Variants in SSPN observed in about 807,000 individuals in gnomAD.
SSPN encodes sarcospan.
Under a neutral mutation model 19.1 loss-of-function variants are expected in SSPN, and 15 were observed. That is an observed-to-expected ratio of 0.78 (90% confidence interval 0.52 to 1.21). The LOEUF (loss-of-function observed/expected upper bound fraction) is 1.21, where lower values mean the gene tolerates loss of function less well. Among genes scored for constraint, SSPN ranks in the 50% most tolerant of loss-of-function variants. The pLI is 0.00. For synonymous variants in SSPN, 147 were observed against 140.3 expected (o/e 1.05, Z -0.34); for missense variants, 291 against 314.0 (o/e 0.93, Z 0.55).
intron 1 of SSPN, among the ~76,000 whole-genome samples, chr12:26,210,604 G>A (rs1944975165): frequency 6.6e-6 from 1 of 151,816 alleles, no homozygotes; most frequent in Admixed American, 6.6e-5. Flanking sequence ...TCACTTTCAT[G>A]TTACTTTCTC....
rs150280828 is a variant in SSPN, at chr12:26,190,256, G to A, written c.-30-34037G>A. On this transcript the variant is annotated intron_variant, in intron 1 of 2. Coordinates refer to the SSPN transcript ENST00000538142. ...ACTCAAGTGTTGCTAAGTGACTTCA[G>A]GGGCTGTACATGTAAAGAATTGCAT... is the stretch of plus-strand genomic sequence containing the variant. Among the ~76,000 whole-genome samples the A allele has an allele frequency of 3.9e-3, 589 of 152,298 alleles. 2 individuals carry two copies. Among genetic ancestry groups the A allele is most frequent in the African/African-American group, 0.014 (561 of 41,554 alleles).
chr12:26,140,700 C>T (rs11048417), intron 1 of SSPN, among the ~76,000 whole-genome samples: 1,684 of 152,262 alleles, frequency 0.011, 30 homozygotes, highest in African/African-American at 0.037. Flanking sequence ...CCATGTAGGA[C>T]GTGACTTCTT....
intron 1 of SSPN, among the ~76,000 whole-genome samples, chr12:26,175,220 T>C (rs1294504156): frequency 1.3e-5 from 2 of 152,246 alleles, no homozygotes; most frequent in African/African-American, 4.8e-5. Context: ...AAATGCCCAG[T>C]CTTTTCAATT....
intron 1 of SSPN, among the ~76,000 whole-genome samples, chr12:26,215,356 T>C (rs1034000022): frequency 6.6e-6 from 1 of 152,198 alleles, no homozygotes; most frequent in East Asian, 1.9e-4. Flanking sequence ...AAGCAATTAG[T>C]AATGAGTAAT....
intron 1 of SSPN, chr12:26,180,134 GA>G (rs940596238): frequency 6.6e-6 from 1 of 151,960 alleles, no homozygotes; most frequent in Non-Finnish European, 1.5e-5. Context: ...GGATGGAATT[GA>G]AAAAAGTTGA....
At chr12:26,209,821 TG>T (rs1944966430) in intron 1 of SSPN, among the ~76,000 whole-genome samples, 1 of 151,668 alleles carries the variant, frequency 6.6e-6, no homozygotes, top group African/African-American at 2.4e-5. Flanking sequence ...TGTGTGTGTG[TG>T]TGTGTGTGTG....
intron 1 of SSPN, chr12:26,124,613 A>G (rs1422067131): frequency 6.2e-7 from 1 of 1,613,816 alleles, no homozygotes; most frequent in Admixed American, 1.7e-5. Context: ...TCAGGCACCC[A>G]TTCGGGGAGG....
At chr12:26,224,638 T>C (rs1945158752) in intron 2 of SSPN, among the ~76,000 whole-genome samples, 1 of 151,790 alleles carries the variant, frequency 6.6e-6, no homozygotes, top group Admixed American at 6.6e-5. Context: ...AAAGGAATAT[T>C]GAAAATTCAT....
intron 1 of SSPN, among the ~76,000 whole-genome samples, chr12:26,169,031 GA>G (rs57319271): frequency 2.1e-5 from 3 of 145,458 alleles, no homozygotes; most frequent in South Asian, 2.2e-4. Context: ...GCCTCATTTT[GA>G]AAAAAAAAAC....
rs76535156 is a variant in SSPN, at chr12:26,160,691, A to G, written c.-31+38539A>G. On this transcript the variant is annotated intron_variant, in intron 1 of 2. Coordinates refer to the SSPN transcript ENST00000538142. ...ATCACCCTAGTCTCCCTTATCTACT[A>G]TCTTGACTGCTACCACCCATGTCAG... is the stretch of plus-strand genomic sequence containing the variant. Among the ~76,000 whole-genome samples the G allele has an allele frequency of 5.2e-3, 790 of 152,220 alleles. 9 individuals are homozygous for G. Among genetic ancestry groups the G allele is most frequent in the African/African-American group, 0.017 (723 of 41,526 alleles).
chr12:26,155,989 A>T (rs1249434814), intron 1 of SSPN, among the ~76,000 whole-genome samples: 3 of 152,230 alleles, frequency 2.0e-5, no homozygotes, highest in Non-Finnish European at 4.4e-5. Flanking sequence ...AGAAAAGATG[A>T]TGAAGAAGAT....
At chr12:26,122,672 C>T (rs1180238346) in intron 1 of SSPN, 1 of 1,533,684 alleles carries the variant, frequency 6.5e-7, no homozygotes, top group Non-Finnish European at 8.7e-7. Flanking sequence ...GGGAATCCAG[C>T]TTCATCCTCT....
chr12:26,209,604 T>G (rs1184851637), intron 1 of SSPN, among the ~76,000 whole-genome samples: 2 of 151,980 alleles, frequency 1.3e-5, no homozygotes, highest in Non-Finnish European at 2.9e-5. Flanking sequence ...TGCCAGCAAT[T>G]TTAATTTTTC....
chr12:26,215,280 T>G (rs984420057), intron 1 of SSPN, among the ~76,000 whole-genome samples: 1 of 152,232 alleles, frequency 6.6e-6, no homozygotes, highest in South Asian at 2.1e-4. Flanking sequence ...ATAAGTACTA[T>G]GATTTCTCCT....
rs185155586 is a variant in SSPN at position 26,149,216 on chromosome 12, C to G, written c.-31+27064C>G. 5.4e-4 allele frequency among the ~76,000 whole-genome samples: 82 copies of G among 152,240 alleles called. No homozygotes were observed. In the East Asian group the frequency reaches 0.013, roughly 25 times the overall value. On this transcript the variant is annotated intron_variant, in intron 1 of 2. Transcript: ENST00000538142. Reference sequence around the variant, plus strand: ...TTGTGTTGCTGCGTTTGTAAACATTCAATAAAAGTCTACTTGTCTATAACT... The same window carrying G: ...TTGTGTTGCTGCGTTTGTAAACATTGAATAAAAGTCTACTTGTCTATAACT...
At chr12:26,135,984 G>A (rs1372937285) in intron 1 of SSPN, among the ~76,000 whole-genome samples, 2 of 152,156 alleles carry the variant, frequency 1.3e-5, no homozygotes. Flanking sequence ...TCATATTACA[G>A]TCCACCCTCC....
At chr12:26,137,470 G>A (rs1944432220) in intron 1 of SSPN, among the ~76,000 whole-genome samples, 2 of 151,978 alleles carry the variant, frequency 1.3e-5, no homozygotes, top group South Asian at 2.1e-4. Context: ...GAGAGGCAAA[G>A]TTTGGAACTT....
intron 1 of SSPN, among the ~76,000 whole-genome samples, chr12:26,212,444 A>G (rs74619640): frequency 0.012 from 1,884 of 152,176 alleles, 22 homozygotes; most frequent in Non-Finnish European, 0.022. Context: ...GATTTTTACC[A>G]TCTTCTTTTA....
upstream of SSPN, among the ~76,000 whole-genome samples, chr12:26,191,677 T>TACAC (rs10525695): frequency 3.4e-5 from 5 of 149,122 alleles, no homozygotes; most frequent in African/African-American, 1.2e-4. Context: ...TAATTTGTTC[T>TACAC]ACACACACAC....
Sources: gnomAD v4.1 joint callset for allele counts (sites outside exome capture counted in the v4.1 genomes callset) on GRCh38, gnomAD v4.1.1 for gene constraint, MANE v1.5 for transcripts, NCBI Gene and HGNC (gene_info 2026-07-23, HGNC 2026-07-21) for gene names.